Variants in PIK3CA observed in about 807,000 individuals in gnomAD.
PIK3CA encodes phosphatidylinositol-4,5-bisphosphate 3-kinase catalytic subunit alpha.
In PIK3CA, 27 loss-of-function variants were observed where a neutral mutation model predicts 138.2. The observed-to-expected ratio is 0.20, with a 90% CI of 0.14 to 0.27. The LOEUF (loss-of-function observed/expected upper bound fraction) is 0.27, where lower values mean the gene tolerates loss of function less well. Among genes scored for constraint, PIK3CA ranks in the 10% least tolerant of loss-of-function variants. The pLI is 1.00. For missense variants in PIK3CA, 544 were observed against 1,277.4 expected (o/e 0.43, Z 8.75); for synonymous variants, 358 against 413.2 (o/e 0.87, Z 1.62).
chr3:179,202,982 C>A (rs1724455975), intron 4 of PIK3CA, among the ~76,000 whole-genome samples: 2 of 147,674 alleles, frequency 1.4e-5, no homozygotes, highest in Admixed American at 6.7e-5. Flanking sequence ...GCTCTGTCGC[C>A]CAGGCTGGAG....
At chr3:179,149,318 G>A (rs1576908395) in intron 1 of PIK3CA, among the ~76,000 whole-genome samples, 1 of 152,072 alleles carries the variant, frequency 6.6e-6, no homozygotes, top group Non-Finnish European at 1.5e-5. Flanking sequence ...TAAGTGGCTC[G>A]GAAAGGTAGG....
chr3:179,203,704 A>C lies in PIK3CA; in HGVS notation c.974A>C (p.Lys325Thr). 2 of 1,613,672 alleles carry C rather than the reference A, an allele frequency of 1.2e-6. No individual in the cohort carries two copies. Among genetic ancestry groups the C allele is most frequent in the South Asian group, 2.2e-5 (2 of 91,084 alleles). ...TPYMNGETST[K>T]SLWVINSALR... ...TATATGAATGGAGAAACATCTACAAAATCCCTTTGGGTTATAAATAGTGCA... is the reference window on the plus strand; with the variant it reads ...TATATGAATGGAGAAACATCTACAACATCCCTTTGGGTTATAAATAGTGCA... The change falls in exon 5 of 21, where the codon AAA becomes ACA. Residue 325 changes from lysine (K) to threonine (T), a missense_variant. Transcript: ENST00000263967.
chr3:179,222,350 G>T (rs1336816832), intron 14 of PIK3CA, among the ~76,000 whole-genome samples: 1 of 152,052 alleles, frequency 6.6e-6, no homozygotes. Context: ...GAAAATAATT[G>T]TACTCTTTCT....
At chr3:179,197,053 T>G (rs1289781265) in intron 1 of PIK3CA, among the ~76,000 whole-genome samples, 1 of 152,226 alleles carries the variant, frequency 6.6e-6, no homozygotes, top group African/African-American at 2.4e-5. Context: ...TTTTTCTTTG[T>G]TTTTTGATGG....
At chr3:179,149,050 C>A (rs1474043835) in intron 1 of PIK3CA, among the ~76,000 whole-genome samples, 1 of 152,124 alleles carries the variant, frequency 6.6e-6, no homozygotes, top group Non-Finnish European at 1.5e-5. Context: ...GAGGGGCTGT[C>A]ACGCCCGAGG....
intron 1 of PIK3CA, chr3:179,149,586 T>C (rs1055742578): frequency 6.6e-6 from 1 of 152,210 alleles, no homozygotes; most frequent in African/African-American, 2.4e-5. Flanking sequence ...TGAATTAGAG[T>C]TGTGATTTCA....
Position 179,220,843 on chromosome 3 carries a change from AG to A in PIK3CA, c.2016-141del, listed in dbSNP as rs1724948586. On this transcript the variant is annotated intron_variant, in intron 13 of 20. Coordinates refer to ENST00000263967, the MANE Select transcript of PIK3CA (RefSeq NM_006218.4). The surrounding 1 kb of genome is among the most constrained non-coding windows in gnomAD (Gnocchi z 4.1). Reference sequence around the variant, plus strand: ...CATGGTGGTTTTGTTTCTAAATTACAGGTTTTGAATAATTTTATTATTAGTA... The same window carrying A: ...CATGGTGGTTTTGTTTCTAAATTACAGTTTTGAATAATTTTATTATTAGTA... 1 of 456,746 alleles carries A rather than the reference AG, an allele frequency of 2.2e-6. No individual in the cohort carries two copies. The highest frequency in any genetic ancestry group is 7.3e-5 in the South Asian group (1 of 13,726). 28.3% of individuals were successfully genotyped at this position (456,746 alleles called of 1,614,324 possible).
At chr3:179,152,440 TGTGA>T (rs1466938529) in intron 1 of PIK3CA, among the ~76,000 whole-genome samples, 6 of 152,204 alleles carry the variant, frequency 3.9e-5, no homozygotes, top group African/African-American at 1.4e-4. Flanking sequence ...CTTAAAATTC[TGTGA>T]GTATCAACAG....
chr3:179,169,179 C>T (rs367711382), intron 1 of PIK3CA: 37 of 152,312 alleles, frequency 2.4e-4, no homozygotes, highest in African/African-American at 8.2e-4. Flanking sequence ...CTCTTGGTTT[C>T]ACAGCCCCAC....
chr3:179,197,091 T>C (rs9819762), intron 1 of PIK3CA, among the ~76,000 whole-genome samples: 36,471 of 151,820 alleles, frequency 0.24, 5,132 homozygotes, highest in African/African-American at 0.39. Flanking sequence ...CAGACTGGAG[T>C]GCAGTGGAGC....
chr3:179,222,581 G>A (rs1163011579), intron 14 of PIK3CA, among the ~76,000 whole-genome samples: 5 of 152,250 alleles, frequency 3.3e-5, no homozygotes, highest in African/African-American at 1.2e-4. Context: ...GATGTGATGG[G>A]ATGCGAAAAC....
At chr3:179,157,729 G>A (rs745765794) in intron 1 of PIK3CA, among the ~76,000 whole-genome samples, 4 of 152,022 alleles carry the variant, frequency 2.6e-5, no homozygotes, top group African/African-American at 9.7e-5. Context: ...AAATATGGTC[G>A]ATGTACTTAG....
At chr3:179,211,889 C>T (rs1289707404) in intron 9 of PIK3CA, among the ~76,000 whole-genome samples, 1 of 152,160 alleles carries the variant, frequency 6.6e-6, no homozygotes, top group East Asian at 1.9e-4. Flanking sequence ...AGAGAAACGT[C>T]ATGACGTTAC....
Position 179,210,176 on chromosome 3 carries a change from GT to G in PIK3CA, c.1252-4del. Reference sequence around the variant, plus strand: ...TTTAGACTAGTGAATATTTTTCTTTGTTTTTTAAGGAACACTGTCCATTGGC... The same window carrying G: ...TTTAGACTAGTGAATATTTTTCTTTGTTTTTAAGGAACACTGTCCATTGGC... On this transcript the variant is annotated splice_polypyrimidine_tract_variant and intron_variant, in intron 7 of 20. Transcript: ENST00000263967. The G allele has an allele frequency of 6.4e-7, 1 of 1,559,938 alleles. No homozygotes were observed. Among genetic ancestry groups the G allele is most frequent in the African/African-American group, 1.4e-5 (1 of 71,336 alleles).
At chr3:179,206,154 T>C (rs1282549596) in intron 6 of PIK3CA, among the ~76,000 whole-genome samples, 1 of 143,966 alleles carries the variant, frequency 6.9e-6, no homozygotes, top group East Asian at 2.1e-4. Flanking sequence ...TACAGTCAAG[T>C]GTAAGCGATT....
Position 179,237,270 on chromosome 3 carries a change from T to A in PIK3CA, c.*2906T>A. 5.1e-6 allele frequency: 1 copy of A among 194,666 alleles called. No individual in the cohort carries two copies. The highest frequency in any genetic ancestry group is 1.1e-5 in the Non-Finnish European group (1 of 93,500). 12.1% of individuals were successfully genotyped at this position (194,666 alleles called of 1,614,324 possible). ...GAAGAATGGAATTTGGTTGCTATTTTACAATAGAACCTAAGCTTTTTGTGG... is the reference window on the plus strand; with the variant it reads ...GAAGAATGGAATTTGGTTGCTATTTAACAATAGAACCTAAGCTTTTTGTGG... On this transcript the variant is annotated 3_prime_UTR_variant, in exon 21 of 21. Transcript: ENST00000263967.
rs1725392996 is a variant in PIK3CA, at chr3:179,239,297, T to G, written c.*4933T>G. ...TTTTGTGGTTATGCTAAGAACCATG[T>G]ATACTTTTAGGTATTCTTATTTTTG... On this transcript the variant is annotated 3_prime_UTR_variant, in exon 21 of 21. Coordinates refer to ENST00000263967, the MANE Select transcript of PIK3CA (RefSeq NM_006218.4). 1 of 203,294 alleles carries G rather than the reference T, an allele frequency of 4.9e-6. No homozygotes were observed. Among genetic ancestry groups the G allele is most frequent in the Non-Finnish European group, 1.0e-5 (1 of 99,086 alleles). 12.6% of individuals were successfully genotyped at this position (203,294 alleles called of 1,614,324 possible).
rs373505500 is a variant in PIK3CA, at chr3:179,226,476, CAA to C, written c.2495+437_2495+438del. The stretch of plus-strand genomic sequence containing the variant: ...TTTTACCAGTCTGTTGGTTTCTACC[CAA>C]CTTTCCACAATATCAGTATTATCAC... On this transcript the variant is annotated intron_variant, in intron 17 of 20. Transcript: ENST00000263967. Among the ~76,000 whole-genome samples the C allele has an allele frequency of 1.1e-4, 17 of 152,196 alleles. No homozygotes were observed. In the East Asian group the frequency reaches 1.2e-3, roughly 10 times the overall value.
At chr3:179,221,581 T>A (rs750980933) in intron 14 of PIK3CA, among the ~76,000 whole-genome samples, 2 of 152,098 alleles carry the variant, frequency 1.3e-5, no homozygotes, top group Non-Finnish European at 2.9e-5. Flanking sequence ...TGGAAAGAAG[T>A]TAGTTTTTAC....
Sources: allele counts gnomAD v4.1 joint callset (sites outside exome capture counted in the v4.1 genomes callset), GRCh38; gene constraint gnomAD v4.1.1; non-coding constraint Gnocchi (gnomAD v3.1); transcripts MANE v1.5; gene names NCBI Gene and HGNC (gene_info 2026-07-23, HGNC 2026-07-21).